The following PTK2B variants were observed in gnomAD, a reference collection of about 807,000 sequenced individuals.
The protein encoded by PTK2B is protein-tyrosine kinase 2-beta.
In PTK2B, 71 loss-of-function variants were observed where a neutral mutation model predicts 142.9. The observed-to-expected ratio is 0.50, with a 90% CI of 0.41 to 0.61. The LOEUF is 0.61. PTK2B is among the 20% of genes least tolerant of loss of function. The pLI, the probability that PTK2B is intolerant of heterozygous loss-of-function variation, is 0.00. For missense variants in PTK2B, 1,105 were observed against 1,320.4 expected (o/e 0.84, Z 2.53); for synonymous variants, 519 against 503.4 (o/e 1.03, Z -0.42).
rs973715187 is a variant in PTK2B at position 27,412,905 on chromosome 8, G to A, written c.205-6990G>A. On this transcript the variant is annotated intron_variant, in intron 2 of 30. Transcript: ENST00000346049. ...ACTATGGGTAGGGGAGAAGGTGCAC[G>A]GCCGTGTCTGGCCTGATACAAATCT... Among the ~76,000 whole-genome samples, 13 of 152,218 alleles carry A rather than the reference G, an allele frequency of 8.5e-5. 1 individual carries two copies. The highest frequency in any genetic ancestry group is 6.2e-4 in the South Asian group (3 of 4,820).
chr8:27,366,106 C>A (rs1806005065), intron 1 of PTK2B, among the ~76,000 whole-genome samples: 1 of 152,226 alleles, frequency 6.6e-6, no homozygotes, highest in East Asian at 1.9e-4. Flanking sequence ...CCCACCTGTG[C>A]TACTTCCTGT....
chr8:27,435,682 T>A, intron 13 of PTK2B, 61 bp from the exon 14 acceptor site: 1 of 1,588,072 alleles, frequency 6.3e-7, no homozygotes, highest in Non-Finnish European at 8.6e-7. Context: ...CCACACCTGA[T>A]TCCTGGCGGT....
At chr8:27,317,032 C>T (rs1047116048) in intron 3 of PTK2B, among the ~76,000 whole-genome samples, 2 of 152,192 alleles carry the variant, frequency 1.3e-5, no homozygotes, top group Non-Finnish European at 2.9e-5. Context: ...GATTCATCCT[C>T]TCTCTGGTCA....
intron 10 of PTK2B, among the ~76,000 whole-genome samples, chr8:27,432,705 G>T (rs537227516): frequency 1.3e-5 from 2 of 152,130 alleles, no homozygotes; most frequent in South Asian, 2.1e-4. Context: ...CAAAAACATG[G>T]GTTTTTTTGT....
upstream of PTK2B, chr8:27,311,077 C>T (rs749474855): frequency 6.3e-7 from 1 of 1,596,588 alleles, no homozygotes; most frequent in South Asian, 1.1e-5. Context: ...AGGTGGGCGA[C>T]ACCTGCACCT....
intron 1 of PTK2B, among the ~76,000 whole-genome samples, chr8:27,350,990 A>AAAAAATAT (rs1554483396): frequency 1.7e-4 from 2 of 12,090 alleles, no homozygotes; most frequent in African/African-American, 6.4e-4. Context: ...AAAAAAAAAA[A>AAAAAATAT]ATATATATAT....
chr8:27,347,253 G>A lies in PTK2B; in HGVS notation c.-38+21572G>A, dbSNP rs186770668. On this transcript the variant is annotated intron_variant, in intron 1 of 30. Coordinates refer to ENST00000346049, the MANE Select transcript of PTK2B (RefSeq NM_173176.3). ...AAATTAACCAAGCATGGTGGCATGCGCCTGTAATCCCAGCTACTTGGGAGG... is the reference window on the plus strand; with the variant it reads ...AAATTAACCAAGCATGGTGGCATGCACCTGTAATCCCAGCTACTTGGGAGG... Among the ~76,000 whole-genome samples the A allele has an allele frequency of 1.2e-3, 183 of 151,690 alleles. 2 individuals are homozygous for A. The Middle Eastern group carries it at 0.02, about 17-fold the overall frequency.
At chr8:27,322,414 C>A (rs1803239607), upstream of PTK2B, 1 of 152,144 alleles carries the variant, frequency 6.6e-6, no homozygotes, top group African/African-American at 2.4e-5. Flanking sequence ...ATAGGACTAG[C>A]AACTTCATAG....
At chr8:27,375,375 A>G (rs1278644855) in intron 1 of PTK2B, among the ~76,000 whole-genome samples, 3 of 152,164 alleles carry the variant, frequency 2.0e-5, no homozygotes, top group Admixed American at 6.5e-5. Context: ...GCCCTGAACC[A>G]AGTGTCTGAC....
intron 1 of PTK2B, among the ~76,000 whole-genome samples, chr8:27,391,296 CA>C (rs1807711100): frequency 6.6e-6 from 1 of 152,058 alleles, no homozygotes; most frequent in African/African-American, 2.4e-5. Context: ...GGGGTTTCAC[CA>C]TGTTGATCAG....
chr8:27,366,938 G>A (rs775573088), intron 1 of PTK2B, among the ~76,000 whole-genome samples: 3 of 152,094 alleles, frequency 2.0e-5, no homozygotes, highest in Non-Finnish European at 4.4e-5. Flanking sequence ...CAGAGGAGGA[G>A]GCTGAGTGTG....
Position 27,439,141 on chromosome 8 carries a change from C to T in PTK2B, c.1744+10C>T. 6.2e-7 allele frequency: 1 copy of T among 1,609,856 alleles called. No homozygotes were observed. The highest frequency in any genetic ancestry group is 8.5e-7 in the Non-Finnish European group (1 of 1,176,126). ...GAGGACTATTACAAAGGTGAGGGGG[C>T]TTCCCAGCCTCTGCATTGGCCTTGG... On this transcript the variant is annotated intron_variant, in intron 19 of 30. Transcript: ENST00000346049.
chr8:27,431,155 G>A (rs1810393736), intron 8 of PTK2B, 139 bp downstream of exon 8: 1 of 1,483,890 alleles, frequency 6.7e-7, no homozygotes, highest in South Asian at 1.3e-5. Flanking sequence ...CCTGCCGTCG[G>A]TGGAAGTCAA....
At chr8:27,400,409 TC>T (rs1444443446) in intron 2 of PTK2B, among the ~76,000 whole-genome samples, 1 of 150,560 alleles carries the variant, frequency 6.6e-6, no homozygotes, top group Non-Finnish European at 1.5e-5. Flanking sequence ...GGGAACTTTT[TC>T]CCCTAAACTC....
intron 1 of PTK2B, among the ~76,000 whole-genome samples, chr8:27,340,868 C>T (rs1804354835): frequency 6.6e-6 from 1 of 152,212 alleles, no homozygotes; most frequent in Non-Finnish European, 1.5e-5. Flanking sequence ...AGGAAGAACC[C>T]ACTTCCTGCC....
chr8:27,403,020 T>C (rs1808473771), intron 2 of PTK2B, among the ~76,000 whole-genome samples: 1 of 152,174 alleles, frequency 6.6e-6, no homozygotes, highest in Non-Finnish European at 1.5e-5. Flanking sequence ...CAGTGTCCAG[T>C]TGGGAGTCTA....
chr8:27,328,996 G>A (rs1209960497), intron 1 of PTK2B, among the ~76,000 whole-genome samples: 10 of 151,518 alleles, frequency 6.6e-5, no homozygotes, highest in African/African-American at 2.4e-4. Context: ...GGAGTGCAGT[G>A]GCGCGATCTC....
chr8:27,386,646 C>T (rs1472386910), intron 1 of PTK2B, among the ~76,000 whole-genome samples: 1 of 152,110 alleles, frequency 6.6e-6, no homozygotes, highest in African/African-American at 2.4e-5. Context: ...AAAATGAAAA[C>T]TAAATACATC....
chr8:27,453,050 A>G, intron 27 of PTK2B, 64 bp from the exon 28 acceptor site: 1 of 1,574,428 alleles, frequency 6.4e-7, no homozygotes, highest in South Asian at 1.1e-5. Context: ...TGATGTCAGC[A>G]GGTACGAAGG....
Sources: gnomAD v4.1 joint callset for allele counts (sites outside exome capture counted in the v4.1 genomes callset) on GRCh38, gnomAD v4.1.1 for gene constraint, MANE v1.5 for transcripts, NCBI Gene and HGNC (gene_info 2026-07-23, HGNC 2026-07-21) for gene names.